Variants in PNPLA3 observed in about 807,000 individuals in gnomAD.
PNPLA3 encodes the protein patatin like domain 3, 1-acylglycerol-3-phosphate O-acyltransferase.
Under a neutral mutation model 43.1 loss-of-function variants are expected in PNPLA3, and 42 were observed. The observed-to-expected ratio is 0.97, with a 90% CI of 0.76 to 1.26. PNPLA3 has a LOEUF of 1.26. Ranked by LOEUF, PNPLA3 falls within the 50% of genes most tolerant of loss-of-function variation. The probability of loss-of-function intolerance (pLI) is 0.00; values close to 1 mark genes in which losing one functional copy is unlikely to be tolerated. For synonymous variants in PNPLA3, 272 were observed against 253.6 expected, an observed-to-expected ratio of 1.07 and a Z score of -0.69; for missense variants, 647 against 621.4, an observed-to-expected ratio of 1.04 and a Z score of -0.44.
intron 7 of PNPLA3, among the ~76,000 whole-genome samples, chr22:43,943,237 G>T (rs2050042628): frequency 6.6e-6 from 1 of 151,794 alleles, no homozygotes; most frequent in Admixed American, 6.6e-5. Flanking sequence ...TCTTGGGCTA[G>T]TTTTTCTGTT....
intron 5 of PNPLA3, 60 bp from the exon 6 acceptor site, chr22:43,936,991 T>C: frequency 7.2e-7 from 1 of 1,393,110 alleles, no homozygotes; most frequent in Non-Finnish European, 1.0e-6. Context: ...GGTAGATGGG[T>C]GGGTAACGAC....
At chr22:43,933,198 C>T (rs2076211) in intron 4 of PNPLA3, 111 bp downstream of exon 4, 193,323 of 1,024,752 alleles carry the variant, frequency 0.19, 22,126 homozygotes, top group Admixed American at 0.46. Flanking sequence ...ATAGACCTGT[C>T]CTTGATGGTT....
In PNPLA3 at chr22:43,927,190, C is replaced by T. The variant is rs192841252; in HGVS notation, c.420+23C>T. The T allele has an allele frequency of 9.5e-4, 1,522 of 1,605,474 alleles. 1 individual carries two copies. Among genetic ancestry groups the T allele is most frequent in the Non-Finnish European group, 1.2e-3 (1,373 of 1,172,756 alleles). On this transcript the variant is annotated intron_variant, in intron 2 of 8. Transcript: ENST00000216180. ...GATGTAAGCAGTTTGCTTATCTGGA[C>T]GTTGTCAAGTTAGAAAAGCTGTTTT...
intron 8 of PNPLA3, among the ~76,000 whole-genome samples, 163 bp from the exon 9 acceptor site, chr22:43,945,991 G>A (rs1212403526): frequency 2.0e-5 from 3 of 152,194 alleles, no homozygotes; most frequent in Non-Finnish European, 4.4e-5. Context: ...GGTGACATCA[G>A]CCCAGCACTG....
At chr22:43,935,798 A>G (rs1185657273) in intron 5 of PNPLA3, among the ~76,000 whole-genome samples, 1 of 151,806 alleles carries the variant, frequency 6.6e-6, no homozygotes, top group Non-Finnish European at 1.5e-5. Flanking sequence ...ATACAGGGGG[A>G]TTGCATCCTG....
chr22:43,942,945 T>G (rs2050040985), intron 7 of PNPLA3, among the ~76,000 whole-genome samples: 1 of 152,104 alleles, frequency 6.6e-6, no homozygotes, highest in South Asian at 2.1e-4. Context: ...GGGGCTCTTA[T>G]TAGGAAGATG....
chr22:43,924,529 G>A (rs950212271), intron 1 of PNPLA3, among the ~76,000 whole-genome samples: 3 of 152,362 alleles, frequency 2.0e-5, no homozygotes, highest in Middle Eastern at 3.4e-3. Context: ...GCTGCCGAGG[G>A]GCCGATTTGC....
At chr22:43,945,378 G>C (rs2050056495) in intron 8 of PNPLA3, among the ~76,000 whole-genome samples, 1 of 152,206 alleles carries the variant, frequency 6.6e-6, no homozygotes, top group Non-Finnish European at 1.5e-5. Flanking sequence ...TCTGGAAACT[G>C]AGCCGGAGTT....
At chr22:43,940,170 T>G (rs942952807) in intron 7 of PNPLA3, 45 bp downstream of exon 7, 2 of 1,583,124 alleles carry the variant, frequency 1.3e-6, no homozygotes, top group Non-Finnish European at 1.7e-6. Flanking sequence ...AGGGTTGATA[T>G]GAGGATGAAA....
intron 4 of PNPLA3, among the ~76,000 whole-genome samples, chr22:43,934,082 T>C (rs1452789649): frequency 1.3e-5 from 2 of 151,996 alleles, no homozygotes; most frequent in Non-Finnish European, 2.9e-5. Flanking sequence ...TTTGGGAGGC[T>C]GAGGCAGGTG....
chr22:43,945,394 C>T (rs2050056659), intron 8 of PNPLA3, among the ~76,000 whole-genome samples: 1 of 152,138 alleles, frequency 6.6e-6, no homozygotes, highest in South Asian at 2.1e-4. Flanking sequence ...GAGTTCAGGG[C>T]CTGGCTCCCA....
intron 1 of PNPLA3, among the ~76,000 whole-genome samples, chr22:43,926,575 A>G (rs1217689737): frequency 1.3e-5 from 2 of 152,222 alleles, no homozygotes; most frequent in Non-Finnish European, 2.9e-5. Flanking sequence ...ATACACTGGA[A>G]GCCATGATGT....
At position 43,924,062 on chromosome 22, in the gene PNPLA3, T is replaced by C; in HGVS notation, c.151T>C (p.Leu51=). The change falls in exon 1 of 9, where the codon TTG becomes CTG. Residue 51 remains leucine (L), a synonymous_variant. Transcript: ENST00000216180. The part of the protein sequence containing the change: ...RMLFGASAGA[L]HCVGVLSGIP... ...GTTGTTCGGCGCTTCGGCCGGGGCG[T>C]TGCACTGCGTCGGCGTCCTCTCCGG... is the stretch of plus-strand genomic sequence containing the variant. 6.4e-7 allele frequency: 1 copy of C among 1,574,276 alleles called. No individual in the cohort carries two copies. The highest frequency in any genetic ancestry group is 8.5e-7 in the Non-Finnish European group (1 of 1,169,596).
At chr22:43,932,783 T>C (rs2049969672) in intron 3 of PNPLA3, 95 bp from the exon 4 acceptor site, 1 of 1,128,492 alleles carries the variant, frequency 8.9e-7, no homozygotes, top group Non-Finnish European at 1.3e-6. Context: ...TTTGTGGCTC[T>C]GAGAAGCTCT....
rs750469596 is a variant in PNPLA3 at position 43,946,203 on chromosome 22, C to T, written c.1267C>T (p.Gln423Ter). 2.5e-6 allele frequency: 4 copies of T among 1,614,186 alleles called. No individual in the cohort carries two copies. In the South Asian group the frequency reaches 4.4e-5, roughly 18 times the overall value. ...SQQASPCTPE[Q>*]DWPCWTPCSP... ...ACAGGCCTCCCCATGCACACCTGAG[C>T]AGGACTGGCCCTGCTGGACTCCCTG... is the stretch of plus-strand genomic sequence containing the variant. Residue 423 changes from glutamine to a stop codon, truncating the protein, a stop_gained, in exon 9 of 9, where the codon CAG becomes TAG. Transcript: ENST00000216180. LOFTEE classifies it low-confidence loss of function (END_TRUNC).
At chr22:43,941,581 G>A (rs2050031503) in intron 7 of PNPLA3, among the ~76,000 whole-genome samples, 1 of 152,202 alleles carries the variant, frequency 6.6e-6, no homozygotes, top group African/African-American at 2.4e-5. Context: ...TCCAGCTAGA[G>A]ATGTTGATTT....
intron 1 of PNPLA3, 81 bp downstream of exon 1, chr22:43,924,179 G>C: frequency 7.4e-7 from 1 of 1,348,546 alleles, no homozygotes; most frequent in Non-Finnish European, 9.5e-7. Flanking sequence ...CCCAGGGGTC[G>C]CGGGGCCCTG....
intron 6 of PNPLA3, 144 bp downstream of exon 6, chr22:43,937,416 C>T: frequency 1.3e-6 from 1 of 759,342 alleles, no homozygotes; most frequent in Non-Finnish European, 2.2e-6. Context: ...TGTGTACAGC[C>T]TGGGCTGCTG....
chr22:43,940,179 A>G (rs2050022434), intron 7 of PNPLA3, 54 bp downstream of exon 7: 9 of 1,559,972 alleles, frequency 5.8e-6, no homozygotes, highest in Non-Finnish European at 7.9e-6. Context: ...ATGAGGATGA[A>G]ACAAGATGAT....
Sources: allele counts gnomAD v4.1 joint callset (sites outside exome capture counted in the v4.1 genomes callset), GRCh38; gene constraint gnomAD v4.1.1; transcripts MANE v1.5; gene names NCBI Gene and HGNC (gene_info 2026-07-23, HGNC 2026-07-21).